The following TMEM184B variants were observed in gnomAD, a reference collection of about 807,000 sequenced individuals.
The protein encoded by TMEM184B is transmembrane protein 184B, also known as putative MAPK-activating protein FM08.
TMEM184B carries 17 observed loss-of-function variants against 41.8 expected under a neutral mutation model. That is an observed-to-expected ratio of 0.41 (90% confidence interval 0.28 to 0.61). TMEM184B has a LOEUF of 0.61. TMEM184B is among the 20% of genes least tolerant of loss of function. The pLI, the probability that TMEM184B is intolerant of heterozygous loss-of-function variation, is 0.34. For missense variants in TMEM184B, 393 were observed against 557.8 expected, an observed-to-expected ratio of 0.70 and a Z score of 2.98; for synonymous variants, 240 against 229.5, an observed-to-expected ratio of 1.05 and a Z score of -0.41.
rs183090240 is a variant in TMEM184B at position 38,272,708 on chromosome 22, C to T, written c.-59+176G>A. On this transcript the variant is annotated intron_variant, in intron 1 of 8. Coordinates refer to ENST00000361906, the MANE Select transcript of TMEM184B (RefSeq NM_012264.5). ...CGGAGAGGAGGCACGGGTGGGGAGA[C>T]GGATGCCCCCTCCCTCCGCGGCCGC... The T allele has an allele frequency of 4.9e-5, 48 of 985,412 alleles. No homozygotes were observed. In the African/African-American group the frequency reaches 7.5e-4, roughly 15 times the overall value. 61.0% of individuals were successfully genotyped at this position (985,412 alleles called of 1,614,324 possible).
Position 38,246,120 on chromosome 22 carries a change from G to A in TMEM184B, c.193-20C>T, listed in dbSNP as rs1467784097. On this transcript the variant is annotated intron_variant, in intron 2 of 8. Transcript: ENST00000361906. Reference sequence around the variant, plus strand: ...GTAGATCTGGGGGCAGAGGTGTGGGGTCAGCTGGGGACCCTCCTGTCCACA... The same window carrying A: ...GTAGATCTGGGGGCAGAGGTGTGGGATCAGCTGGGGACCCTCCTGTCCACA... The A allele has an allele frequency of 6.2e-7, 1 of 1,603,860 alleles. No individual in the cohort carries two copies. Among genetic ancestry groups the A allele is most frequent in the East Asian group, 2.2e-5 (1 of 44,852 alleles).
At chr22:38,235,384 G>A (rs2091747668) in intron 3 of TMEM184B, among the ~76,000 whole-genome samples, 1 of 152,230 alleles carries the variant, frequency 6.6e-6, no homozygotes, top group African/African-American at 2.4e-5. Flanking sequence ...TTGGCATCTG[G>A]GCTCGTGTCC....
chr22:38,219,935 C>A lies in TMEM184B; in HGVS notation c.*1534G>T, dbSNP rs935381046. ...GAAAGGAAGGAGGCCAGGAAGACGG[C>A]TGGGCCCCAACTCTCCTCACAGGTG... On this transcript the variant is annotated 3_prime_UTR_variant, in exon 9 of 9. Coordinates refer to ENST00000361906, the MANE Select transcript of TMEM184B (RefSeq NM_012264.5). The A allele has an allele frequency of 3.0e-6, 3 of 985,290 alleles. No homozygotes were observed. Among genetic ancestry groups the A allele is most frequent in the Non-Finnish European group, 3.6e-6 (3 of 829,928 alleles). The allele number at this position is 985,290 out of a possible 1,614,324, so 61.0% of individuals were successfully genotyped here. A position where few individuals can be genotyped will look rare whatever the true frequency, so the allele number is the denominator to read the frequency against.
intron 8 of TMEM184B, chr22:38,223,111 AG>A (rs1318575313): frequency 1.3e-5 from 2 of 152,416 alleles, no homozygotes; most frequent in Non-Finnish European, 2.9e-5. Context: ...TCTGCACCTA[AG>A]CCTATCCTGA....
At chr22:38,235,311 CCTCT>C (rs946640694) in intron 3 of TMEM184B, among the ~76,000 whole-genome samples, 1 of 152,198 alleles carries the variant, frequency 6.6e-6, no homozygotes, top group Admixed American at 6.5e-5. Context: ...GCCCATAAGC[CCTCT>C]CTATCTGGAA....
chr22:38,218,730 G>A (rs902315707), downstream of TMEM184B, among the ~76,000 whole-genome samples: 4 of 152,224 alleles, frequency 2.6e-5, no homozygotes, highest in Non-Finnish European at 1.5e-5. Context: ...AGGAAGCTGC[G>A]GGAGGACGCA....
chr22:38,219,310 TATTATCTC>T lies in TMEM184B; in HGVS notation c.*2151_*2158del. Reference sequence around the variant, plus strand: ...CAGGCAGAGATTTCAATACAATCTATATTATCTCATATATAGATTTCTTCCTCACTTTA... The same window carrying T: ...CAGGCAGAGATTTCAATACAATCTATATATATAGATTTCTTCCTCACTTTA... On this transcript the variant is annotated 3_prime_UTR_variant, in exon 9 of 9. Coordinates refer to ENST00000361906, the MANE Select transcript of TMEM184B (RefSeq NM_012264.5). 1.0e-6 allele frequency: 1 copy of T among 985,768 alleles called. No homozygotes were observed. The highest frequency in any genetic ancestry group is 1.2e-6 in the Non-Finnish European group (1 of 829,930). 61.1% of individuals were successfully genotyped at this position (985,768 alleles called of 1,614,324 possible). A position where few individuals can be genotyped will look rare whatever the true frequency, so the allele number is the denominator to read the frequency against.
At chr22:38,257,247 T>C (rs1201795588) in intron 1 of TMEM184B, among the ~76,000 whole-genome samples, 3 of 152,122 alleles carry the variant, frequency 2.0e-5, no homozygotes, top group Non-Finnish European at 1.5e-5. Flanking sequence ...TTCCAAAGCA[T>C]TTTAGTGGGT....
rs1217642634 is a variant in TMEM184B, at chr22:38,221,170, C to T, written c.*299G>A. 1 of 1,232,976 alleles carries T rather than the reference C, an allele frequency of 8.1e-7. No homozygotes were observed. The highest frequency in any genetic ancestry group is 1.0e-6 in the Non-Finnish European group (1 of 983,560). 76.4% of individuals were successfully genotyped at this position (1,232,976 alleles called of 1,614,324 possible). A position where few individuals can be genotyped will look rare whatever the true frequency, so the allele number is the denominator to read the frequency against. On this transcript the variant is annotated 3_prime_UTR_variant, in exon 9 of 9. Coordinates refer to ENST00000361906, the MANE Select transcript of TMEM184B (RefSeq NM_012264.5). ...CACAAGCATTGGGGCCTGGGTGCGG[C>T]TGGTCCCAGCATGCCCCCAGCACAG... is the stretch of plus-strand genomic sequence containing the variant.
At chr22:38,245,794 G>A (rs1012902191) in intron 3 of TMEM184B, 141 bp downstream of exon 3, 7 of 896,916 alleles carry the variant, frequency 7.8e-6, no homozygotes, top group Non-Finnish European at 1.0e-5. Flanking sequence ...GTCAATTTGG[G>A]ACAGAAACCC....
chr22:38,248,459 AC>A (rs1269374741), intron 1 of TMEM184B, among the ~76,000 whole-genome samples: 2 of 152,322 alleles, frequency 1.3e-5, no homozygotes, highest in African/African-American at 4.8e-5. Context: ...TGCTTCTGCC[AC>A]AGGGCCTTTG....
chr22:38,255,745 G>A (rs555596009), intron 1 of TMEM184B, among the ~76,000 whole-genome samples: 2 of 152,266 alleles, frequency 1.3e-5, no homozygotes, highest in South Asian at 4.1e-4. Flanking sequence ...TGGATCTCAG[G>A]GGTGTTACAT....
chr22:38,249,745 G>A (rs1448535747), intron 1 of TMEM184B, among the ~76,000 whole-genome samples: 2 of 152,342 alleles, frequency 1.3e-5, no homozygotes, highest in South Asian at 2.1e-4. Flanking sequence ...AGTGGCTCAA[G>A]AAGACTAAGG....
At chr22:38,237,196 C>T (rs138059058) in intron 3 of TMEM184B, among the ~76,000 whole-genome samples, 3 of 152,170 alleles carry the variant, frequency 2.0e-5, no homozygotes, top group East Asian at 1.9e-4. Context: ...CTCATTCCCC[C>T]ACAAGGAAGG....
intron 3 of TMEM184B, among the ~76,000 whole-genome samples, chr22:38,235,674 G>A (rs759492564): frequency 6.6e-6 from 1 of 152,126 alleles, no homozygotes; most frequent in African/African-American, 2.4e-5. Context: ...TGACGCAACC[G>A]GCCCAAGCCT....
intron 1 of TMEM184B, among the ~76,000 whole-genome samples, chr22:38,260,869 T>C (rs1943545453): frequency 6.6e-6 from 1 of 152,198 alleles, no homozygotes. Context: ...CCAAACCCTT[T>C]AGAGCTGCAG....
downstream of TMEM184B, among the ~76,000 whole-genome samples, chr22:38,217,843 A>AAAG (rs2091168885): frequency 7.3e-6 from 1 of 136,164 alleles, no homozygotes; most frequent in South Asian, 2.1e-4. Context: ...AAAAAAAAAA[A>AAAG]AAAAGAAAAG....
At chr22:38,236,242 T>C (rs2091770458) in intron 3 of TMEM184B, among the ~76,000 whole-genome samples, 1 of 151,996 alleles carries the variant, frequency 6.6e-6, no homozygotes, top group South Asian at 2.1e-4. Context: ...CCATGCCCCA[T>C]CTGGAACTTT....
At chr22:38,234,687 A>C (rs987002411) in intron 3 of TMEM184B, among the ~76,000 whole-genome samples, 1 of 152,168 alleles carries the variant, frequency 6.6e-6, no homozygotes, top group Non-Finnish European at 1.5e-5. Flanking sequence ...GACCCCACTG[A>C]GATGCCGCCT....
Sources: gnomAD v4.1 joint callset for allele counts (sites outside exome capture counted in the v4.1 genomes callset) on GRCh38, gnomAD v4.1.1 for gene constraint, MANE v1.5 for transcripts, NCBI Gene and HGNC (gene_info 2026-07-23, HGNC 2026-07-21) for gene names.